Variants in NFE2L3 observed in about 807,000 individuals in gnomAD.
NFE2L3 encodes the protein NFE2 like bZIP transcription factor 3.
Under a neutral mutation model 23.5 loss-of-function variants are expected in NFE2L3, and 18 were observed. The observed-to-expected ratio is 0.77, with a 90% CI of 0.53 to 1.13. The LOEUF is 1.13. Among genes scored for constraint, NFE2L3 ranks in the 50% most tolerant of loss-of-function variants. The pLI, the probability that NFE2L3 is intolerant of heterozygous loss-of-function variation, is 0.00. For missense variants in NFE2L3, 1,152 were observed against 877.2 expected (o/e 1.31, Z -3.96); for synonymous variants, 424 against 354.5 (o/e 1.20, Z -2.20).
chr7:26,165,721 G>T (rs1452491702), intron 1 of NFE2L3, among the ~76,000 whole-genome samples: 5 of 152,130 alleles, frequency 3.3e-5, no homozygotes, highest in East Asian at 1.9e-4. Context: ...TCCCTGTCTT[G>T]TGCCAGTTTT....
chr7:26,164,682 C>A (rs192795643), intron 1 of NFE2L3, among the ~76,000 whole-genome samples: 1 of 152,146 alleles, frequency 6.6e-6, no homozygotes, highest in Non-Finnish European at 1.5e-5. Context: ...TTTGTCAATT[C>A]TGGCTTTTGA....
At chr7:26,169,605 T>C (rs1301651900) in intron 1 of NFE2L3, among the ~76,000 whole-genome samples, 1 of 152,242 alleles carries the variant, frequency 6.6e-6, no homozygotes, top group Non-Finnish European at 1.5e-5. Flanking sequence ...CCACTAGCCC[T>C]GGAGGAAATG....
chr7:26,187,102 A>G lies in NFE2L3; in HGVS notation c.*1319A>G, dbSNP rs1324654502. The G allele has an allele frequency of 1.3e-5, 2 of 152,172 alleles. No homozygotes were observed. Among genetic ancestry groups the G allele is most frequent in the Non-Finnish European group, 2.9e-5 (2 of 68,010 alleles). 9.4% of individuals were successfully genotyped at this position (152,172 alleles called of 1,614,324 possible). On this transcript the variant is annotated 3_prime_UTR_variant, in exon 4 of 4. Transcript: ENST00000056233. ...TTTATATATACCGTTGGATTTTTAT[A>G]ATAAAGTTTCCCAAGACCTGTTATT...
chr7:26,177,634 A>G (rs539191963), intron 1 of NFE2L3, among the ~76,000 whole-genome samples: 1 of 152,330 alleles, frequency 6.6e-6, no homozygotes, highest in East Asian at 1.9e-4. Flanking sequence ...GGAAGGAATC[A>G]ATTTTCAACA....
intron 2 of NFE2L3, 140 bp downstream of exon 2, chr7:26,178,262 C>CT: frequency 2.9e-6 from 2 of 681,850 alleles, no homozygotes; most frequent in Non-Finnish European, 4.9e-6. Flanking sequence ...ATACCTATGT[C>CT]TTTAAGTTAT....
At chr7:26,184,493 G>A in intron 3 of NFE2L3, 40 bp from the exon 4 acceptor site, 6 of 1,552,148 alleles carry the variant, frequency 3.9e-6, no homozygotes, top group Non-Finnish European at 5.2e-6. Context: ...TTCAGAAATA[G>A]GGCTATTCAT....
At position 26,185,940 on chromosome 7, in the gene NFE2L3, T is replaced by C. The variant is rs2059314659; in HGVS notation, c.*157T>C. 3 of 634,204 alleles carry C rather than the reference T, an allele frequency of 4.7e-6. No homozygotes were observed. Among genetic ancestry groups the C allele is most frequent in the Non-Finnish European group, 7.7e-6 (3 of 388,356 alleles). The allele number at this position is 634,204 out of a possible 1,614,324, so 39.3% of individuals were successfully genotyped here. A position where few individuals can be genotyped will look rare whatever the true frequency, so the allele number is the denominator to read the frequency against. ...CTGTTTTGAAGCTTACATGGACAAATGTTTAGGACTTCAAGATCACACTTG... is the reference window on the plus strand; with the variant it reads ...CTGTTTTGAAGCTTACATGGACAAACGTTTAGGACTTCAAGATCACACTTG... On this transcript the variant is annotated 3_prime_UTR_variant, in exon 4 of 4. Coordinates refer to ENST00000056233, the MANE Select transcript of NFE2L3 (RefSeq NM_004289.7).
chr7:26,155,482 C>T (rs1784067327), intron 1 of NFE2L3, among the ~76,000 whole-genome samples: 1 of 151,956 alleles, frequency 6.6e-6, no homozygotes. Context: ...AACTAGAAGC[C>T]TAGGTTAGGG....
In NFE2L3 at chr7:26,185,548, A is replaced by G. The variant is rs76410837; in HGVS notation, c.1850A>G (p.Lys617Arg). The G allele has an allele frequency of 3.1e-6, 5 of 1,613,776 alleles. No individual in the cohort carries two copies. Among genetic ancestry groups the G allele is most frequent in the Admixed American group, 1.7e-5 (1 of 59,976 alleles). ...GATGTATGTAACTTGCAAGCAAAGA[A>G]GGAAACTCTTAAGAGAGAGCAAGCA... The part of the protein sequence containing the change: ...EDDVCNLQAK[K>R]ETLKREQAQC... The change falls in exon 4 of 4, where the codon AAG becomes AGG. Residue 617 changes from lysine to arginine, a missense_variant. Lys to Arg is a conservative substitution (Grantham distance 26, BLOSUM62 2). Coordinates refer to ENST00000056233, the MANE Select transcript of NFE2L3 (RefSeq NM_004289.7).
Position 26,153,056 on chromosome 7 carries a change from A to T in NFE2L3, c.558A>T (p.Gly186=), listed in dbSNP as rs1350747557. The change falls in exon 1 of 4, where the codon GGA becomes GGT. Residue 186 remains glycine (G), a synonymous_variant. Transcript: ENST00000056233. ...CGGCTCAGGTGCCGGACGCTGGCGGATGTGCGAGCGAGGTAGGTGCAGAGC... is the reference window on the plus strand; with the variant it reads ...CGGCTCAGGTGCCGGACGCTGGCGGTTGTGCGAGCGAGGTAGGTGCAGAGC... ...EPTAQVPDAG[G]CASEENGVLR... is the part of the protein sequence containing the mutation. The T allele has an allele frequency of 1.3e-6, 2 of 1,526,214 alleles. No individual in the cohort carries two copies. The highest frequency in any genetic ancestry group is 2.8e-5 in the African/African-American group (2 of 71,082). The allele number at this position is 1,526,214 out of a possible 1,614,324, so 94.5% of individuals were successfully genotyped here.
chr7:26,168,602 T>C (rs1379463819), intron 1 of NFE2L3, among the ~76,000 whole-genome samples: 5 of 150,470 alleles, frequency 3.3e-5, no homozygotes, highest in Non-Finnish European at 7.4e-5. Context: ...TATCTCACAA[T>C]TTCTTTATCC....
chr7:26,184,976 T>C lies in NFE2L3; in HGVS notation c.1278T>C (p.Ser426=), dbSNP rs762477548. The change falls in exon 4 of 4, where the codon AGT becomes AGC. Residue 426 remains serine (S), a synonymous_variant. Transcript: ENST00000056233. ...ATTCTGGCCTTTCTTTAGATTCAAG[T>C]CACAATAATACCTCTGTCATCAAGT... ...DSDSGLSLDS[S]HNNTSVIKSN... 1.2e-6 allele frequency: 2 copies of C among 1,613,912 alleles called. No individual in the cohort carries two copies. Among genetic ancestry groups the C allele is most frequent in the South Asian group, 2.2e-5 (2 of 91,066 alleles).
At chr7:26,175,874 GTATT>G (rs1784396226) in intron 1 of NFE2L3, among the ~76,000 whole-genome samples, 1 of 78,938 alleles carries the variant, frequency 1.3e-5, no homozygotes, top group South Asian at 4.0e-4. Context: ...TTTTTTTTTA[GTATT>G]TATTGATCAT....
At chr7:26,160,899 G>T (rs139603106) in intron 1 of NFE2L3, among the ~76,000 whole-genome samples, 7 of 152,360 alleles carry the variant, frequency 4.6e-5, no homozygotes, top group African/African-American at 1.2e-4. Context: ...GGTAAATGGA[G>T]AAAATTAACA....
intron 1 of NFE2L3, chr7:26,174,152 G>A (rs1285161395): frequency 6.6e-6 from 1 of 152,252 alleles, no homozygotes; most frequent in Non-Finnish European, 1.5e-5. Flanking sequence ...ATATCAAGGG[G>A]ATGAAGAATC....
intron 1 of NFE2L3, among the ~76,000 whole-genome samples, chr7:26,160,217 A>G (rs1233925957): frequency 6.6e-6 from 1 of 152,068 alleles, no homozygotes; most frequent in Non-Finnish European, 1.5e-5. Flanking sequence ...CTCTCCTCCT[A>G]AAGTGCTGGG....
chr7:26,153,486 G>A (rs1784031034), intron 1 of NFE2L3, among the ~76,000 whole-genome samples: 1 of 152,164 alleles, frequency 6.6e-6, no homozygotes. Flanking sequence ...ATGTTTTTAA[G>A]AACGACTCTC....
At chr7:26,171,962 T>A (rs1034133839) in intron 1 of NFE2L3, among the ~76,000 whole-genome samples, 7 of 152,270 alleles carry the variant, frequency 4.6e-5, no homozygotes, top group African/African-American at 1.7e-4. Context: ...TTAAAATGAC[T>A]GACTGTATCT....
chr7:26,168,274 C>T (rs1223937778), intron 1 of NFE2L3, among the ~76,000 whole-genome samples: 6 of 151,590 alleles, frequency 4.0e-5, no homozygotes, highest in African/African-American at 7.3e-5. Context: ...GTAGCTGGGA[C>T]TACAGGCACA....
Sources: allele counts gnomAD v4.1 joint callset (sites outside exome capture counted in the v4.1 genomes callset), GRCh38; gene constraint gnomAD v4.1.1; transcripts MANE v1.5; gene names NCBI Gene and HGNC (gene_info 2026-07-23, HGNC 2026-07-21).